GRM7: variants seen among roughly 807,000 people sequenced by gnomAD.
GRM7 encodes metabotropic glutamate receptor 7.
GRM7 carries 35 observed loss-of-function variants against 84.5 expected under a neutral mutation model. The observed-to-expected ratio is 0.41, with a 90% CI of 0.32 to 0.55. The LOEUF (loss-of-function observed/expected upper bound fraction) is 0.55. GRM7 is among the 20% of genes least tolerant of loss of function. The pLI, the probability that GRM7 is intolerant of heterozygous loss-of-function variation, is 0.19. For missense variants in GRM7, 1,003 were observed against 1,194.6 expected (o/e 0.84, Z 2.36); for synonymous variants, 487 against 455.1 (o/e 1.07, Z -0.89).
chr3:7,646,580 C>T (rs1698652223), intron 8 of GRM7, among the ~76,000 whole-genome samples: 1 of 152,122 alleles, frequency 6.6e-6, no homozygotes, highest in Non-Finnish European at 1.5e-5. Flanking sequence ...TAGTGCCATG[C>T]AGTACACATA....
chr3:7,512,208 A>G (rs1361449906), intron 7 of GRM7, among the ~76,000 whole-genome samples: 1 of 152,166 alleles, frequency 6.6e-6, no homozygotes, highest in African/African-American at 2.4e-5. Flanking sequence ...AAAATCTACG[A>G]GCAACAGTTT....
chr3:7,299,081 C>A (rs765711098), intron 3 of GRM7, among the ~76,000 whole-genome samples: 2 of 152,032 alleles, frequency 1.3e-5, no homozygotes, highest in Non-Finnish European at 2.9e-5. Flanking sequence ...TTTAAAGGTG[C>A]TTTTATTTAA....
chr3:7,415,921 A>C (rs1030727809), intron 5 of GRM7, among the ~76,000 whole-genome samples: 2 of 152,160 alleles, frequency 1.3e-5, no homozygotes, highest in Non-Finnish European at 2.9e-5. Context: ...GAGGGCATAT[A>C]ACTAAGGAAG....
chr3:7,443,932 G>C (rs1697398040), intron 5 of GRM7, among the ~76,000 whole-genome samples: 1 of 152,076 alleles, frequency 6.6e-6, no homozygotes, highest in African/African-American at 2.4e-5. Flanking sequence ...CGTATGCAAT[G>C]CCATTTTCCA....
At chr3:7,303,219 C>T (rs1276126384) in intron 3 of GRM7, among the ~76,000 whole-genome samples, 6 of 151,998 alleles carry the variant, frequency 3.9e-5, no homozygotes, top group East Asian at 1.9e-4. Flanking sequence ...GGATTACAGG[C>T]GTGAGCCACC....
At chr3:7,344,502 A>G (rs1387896499) in intron 4 of GRM7, among the ~76,000 whole-genome samples, 1 of 152,078 alleles carries the variant, frequency 6.6e-6, no homozygotes, top group Non-Finnish European at 1.5e-5. Flanking sequence ...ATTTATGGGC[A>G]TGTAAATTTT....
chr3:6,964,421 G>A (rs78228452), intron 1 of GRM7, among the ~76,000 whole-genome samples: 1,708 of 152,204 alleles, frequency 0.011, 34 homozygotes, highest in African/African-American at 0.038. Flanking sequence ...TGAGGATTAC[G>A]CATTGTGTAA....
At chr3:7,510,851 T>G (rs909534069) in intron 7 of GRM7, among the ~76,000 whole-genome samples, 2 of 152,206 alleles carry the variant, frequency 1.3e-5, no homozygotes, top group African/African-American at 4.8e-5. Flanking sequence ...TTTGTTTACA[T>G]ATTTTCTATG....
chr3:7,619,968 T>C (rs901896927), intron 8 of GRM7, among the ~76,000 whole-genome samples: 2 of 152,270 alleles, frequency 1.3e-5, no homozygotes, highest in East Asian at 3.9e-4. Flanking sequence ...ATTTTAGAAA[T>C]GACAGCCTGT....
chr3:7,338,876 T>C (rs17047154), intron 4 of GRM7, among the ~76,000 whole-genome samples: 1,792 of 152,130 alleles, frequency 0.012, 29 homozygotes, highest in Non-Finnish European at 0.019. Context: ...CTTGGCCTTT[T>C]ATCATGTAAA....
In GRM7 at chr3:7,063,117, A is replaced by T. The variant is rs184049627; in HGVS notation, c.520-83335A>T. Among the ~76,000 whole-genome samples, 354 of 151,762 alleles carry T rather than the reference A, an allele frequency of 2.3e-3. 1 individual carries two copies. The highest frequency in any genetic ancestry group is 8.3e-3 in the African/African-American group (343 of 41,480). ...TCAGCTGAATGTCATATTTTTAAAC[A>T]TGCCCACTGTTGCCTAATGTTAAAG... On this transcript the variant is annotated intron_variant, in intron 1 of 9. Coordinates refer to ENST00000357716, the MANE Select transcript of GRM7 (RefSeq NM_000844.4).
At chr3:7,177,651 T>C (rs941600082) in intron 2 of GRM7, among the ~76,000 whole-genome samples, 11 of 149,262 alleles carry the variant, frequency 7.4e-5, no homozygotes, top group African/African-American at 2.5e-4. Context: ...AAGAAGGGAA[T>C]GAAATGCAGG....
chr3:7,335,679 A>C (rs547334889), intron 4 of GRM7, among the ~76,000 whole-genome samples: 1 of 152,206 alleles, frequency 6.6e-6, no homozygotes, highest in African/African-American at 2.4e-5. Flanking sequence ...CACAAAAAGA[A>C]GAGAGAAGAT....
chr3:6,952,866 C>G (rs1243039373), intron 1 of GRM7, among the ~76,000 whole-genome samples: 1 of 152,130 alleles, frequency 6.6e-6, no homozygotes, highest in African/African-American at 2.4e-5. Context: ...TTACCAACAT[C>G]CTCGTGGTTA....
intron 4 of GRM7, among the ~76,000 whole-genome samples, chr3:7,324,521 T>G (rs1700908656): frequency 6.6e-6 from 1 of 152,156 alleles, no homozygotes; most frequent in African/African-American, 2.4e-5. Context: ...TTTCAGTGAG[T>G]ATGGATTCCC....
chr3:7,208,248 G>T (rs1324295188), intron 2 of GRM7, among the ~76,000 whole-genome samples: 3 of 152,160 alleles, frequency 2.0e-5, no homozygotes, highest in African/African-American at 7.2e-5. Context: ...TACTAAAAGA[G>T]AGTGAAGAAT....
intron 7 of GRM7, among the ~76,000 whole-genome samples, chr3:7,494,839 A>T (rs1489441595): frequency 2.0e-5 from 3 of 152,142 alleles, no homozygotes; most frequent in Non-Finnish European, 4.4e-5. Context: ...CAGTTTGTTC[A>T]TTTGTCCAAG....
chr3:7,651,544 G>A (rs950192925), intron 8 of GRM7, among the ~76,000 whole-genome samples: 1 of 152,180 alleles, frequency 6.6e-6, no homozygotes, highest in Non-Finnish European at 1.5e-5. Flanking sequence ...AGAACAAGAA[G>A]GGGAGAGCTA....
chr3:7,567,521 G>A (rs1186213181), intron 7 of GRM7, among the ~76,000 whole-genome samples: 1 of 152,046 alleles, frequency 6.6e-6, no homozygotes, highest in South Asian at 2.1e-4. Context: ...GCCAAGGTGG[G>A]TGGATTGCAT....
Sources: gnomAD v4.1 joint callset for allele counts (sites outside exome capture counted in the v4.1 genomes callset) on GRCh38, gnomAD v4.1.1 for gene constraint, MANE v1.5 for transcripts, NCBI Gene and HGNC (gene_info 2026-07-23, HGNC 2026-07-21) for gene names.